CPAMD8: variants seen among roughly 807,000 people sequenced by gnomAD.
CPAMD8 encodes the protein C3 and PZP like alpha-2-macroglobulin domain containing 8.
A neutral mutation model predicts 224.7 loss-of-function variants in CPAMD8; 146 were observed. The observed-to-expected ratio is 0.65, with a 90% CI of 0.57 to 0.75. The LOEUF is 0.75. Among genes scored for constraint, CPAMD8 ranks in the 30% least tolerant of loss-of-function variants. The pLI, the probability that CPAMD8 is intolerant of heterozygous loss-of-function variation, is 0.00. For missense variants in CPAMD8, 2,301 were observed against 2,537.5 expected (o/e 0.91, Z 2.00); for synonymous variants, 966 against 1,044.6 (o/e 0.92, Z 1.45).
At chr19:17,016,041 T>C (rs2056803186) in intron 3 of CPAMD8, among the ~76,000 whole-genome samples, 1 of 152,212 alleles carries the variant, frequency 6.6e-6, no homozygotes, top group Non-Finnish European at 1.5e-5. Flanking sequence ...TCTCCTGGAC[T>C]CAAGCAATCC....
At position 16,976,084 on chromosome 19, in the gene CPAMD8, G is replaced by A; in HGVS notation, c.1826C>T (p.Ala609Val). 2 of 1,612,810 alleles carry A rather than the reference G, an allele frequency of 1.2e-6. No individual in the cohort carries two copies. The highest frequency in any genetic ancestry group is 1.7e-6 in the Non-Finnish European group (2 of 1,179,210). ...GGCGACGCACACACAGCTGCCCCTT[G>A]CAGCCCTGATCCGCAGGTCGACAAC... ...GEVVDLRIRA[A>V]RGSCVCVAAV... Residue 609 changes from alanine to valine, a missense_variant, in exon 16 of 42, where the codon GCA (alanine) becomes GTA (valine). Ala to Val is a moderately conservative substitution (Grantham distance 64). Around this residue, in one of 4 missense-constraint regions of CPAMD8, gnomAD observed 1,709 missense variants for 1,753.2 expected, o/e 0.97. Coordinates refer to ENST00000443236, the MANE Select transcript of CPAMD8 (RefSeq NM_015692.5).
intron 3 of CPAMD8, among the ~76,000 whole-genome samples, chr19:17,018,704 T>C (rs1348042587): frequency 7.1e-6 from 1 of 140,836 alleles, no homozygotes; most frequent in African/African-American, 2.9e-5. Flanking sequence ...TAAAACCCCA[T>C]CTCTACTAAA....
chr19:16,980,890 C>T (rs970248988), intron 13 of CPAMD8, among the ~76,000 whole-genome samples: 4 of 152,058 alleles, frequency 2.6e-5, no homozygotes, highest in Non-Finnish European at 4.4e-5. Context: ...GGCTGGCATG[C>T]GATGGTGAGA....
At chr19:16,965,057 G>A (rs1299235803) in intron 18 of CPAMD8, among the ~76,000 whole-genome samples, 1 of 152,046 alleles carries the variant, frequency 6.6e-6, no homozygotes, top group African/African-American at 2.4e-5. Flanking sequence ...TGAGGAGATC[G>A]AGACCATCCT....
intron 7 of CPAMD8, among the ~76,000 whole-genome samples, chr19:17,005,344 A>G (rs1899166072): frequency 6.6e-6 from 1 of 152,106 alleles, no homozygotes; most frequent in African/African-American, 2.4e-5. Flanking sequence ...GTCCCCAGAC[A>G]TTGCCATGTC....
Position 16,958,571 on chromosome 19 carries a change from G to A in CPAMD8, c.2214-656C>T, listed in dbSNP as rs147825586. Reference sequence around the variant, plus strand: ...GGTCTTTGCTATTGTAAATAGTGCTGCAGTGAACATTTGTGTGCATGGGTC... The same window carrying A: ...GGTCTTTGCTATTGTAAATAGTGCTACAGTGAACATTTGTGTGCATGGGTC... On this transcript the variant is annotated intron_variant, in intron 18 of 41. Coordinates refer to ENST00000443236, the MANE Select transcript of CPAMD8 (RefSeq NM_015692.5). Among the ~76,000 whole-genome samples, 1,242 of 152,236 alleles carry A rather than the reference G, an allele frequency of 8.2e-3. 22 individuals are homozygous for A. The highest frequency in any genetic ancestry group is 0.028 in the African/African-American group (1,175 of 41,522).
intron 23 of CPAMD8, among the ~76,000 whole-genome samples, chr19:16,931,368 C>T (rs2053541638): frequency 6.6e-6 from 1 of 152,200 alleles, no homozygotes; most frequent in Non-Finnish European, 1.5e-5. Flanking sequence ...GTCAGGCTCA[C>T]CCAACCTAAT....
At chr19:16,931,986 A>G (rs1414441443) in intron 23 of CPAMD8, among the ~76,000 whole-genome samples, 2 of 152,220 alleles carry the variant, frequency 1.3e-5, no homozygotes, top group South Asian at 4.1e-4. Flanking sequence ...CGACTGTTAC[A>G]CCAAACACCA....
At chr19:16,942,950 T>C (rs796351828) in intron 22 of CPAMD8, among the ~76,000 whole-genome samples, 173 of 152,268 alleles carry the variant, frequency 1.1e-3, no homozygotes, top group African/African-American at 3.9e-3. Flanking sequence ...GGGCATTTCA[T>C]ATAAATTGAA....
At chr19:16,953,996 C>T (rs2054381926) in intron 19 of CPAMD8, among the ~76,000 whole-genome samples, 1 of 151,714 alleles carries the variant, frequency 6.6e-6, no homozygotes, top group Non-Finnish European at 1.5e-5. Flanking sequence ...CATGGTGGCT[C>T]ACACCTATAA....
intron 18 of CPAMD8, 119 bp downstream of exon 18, chr19:16,970,772 T>G: frequency 1.1e-6 from 1 of 919,242 alleles, no homozygotes; most frequent in Non-Finnish European, 1.6e-6. Flanking sequence ...TAAATTTCAG[T>G]TGTTTATAAG....
intron 13 of CPAMD8, among the ~76,000 whole-genome samples, chr19:16,987,513 G>A (rs13346129): frequency 0.27 from 40,268 of 151,426 alleles, 5,709 homozygotes; most frequent in Non-Finnish European, 0.31. Flanking sequence ...GCCTGCCAGC[G>A]TAAGAAAATC....
rs2144656989 is a variant in CPAMD8 at position 16,893,266 on chromosome 19, G to A, written c.5500C>T (p.His1834Tyr). The A allele has an allele frequency of 6.4e-7, 1 of 1,566,856 alleles. No individual in the cohort carries two copies. Residue 1834 changes from histidine to tyrosine, a missense_variant, in exon 42 of 42, where the codon CAC (histidine) becomes TAC (tyrosine). His to Tyr is a moderately conservative substitution (Grantham distance 83). Around this residue, in one of 4 missense-constraint regions of CPAMD8, gnomAD observed 1,709 missense variants for 1,753.2 expected, o/e 0.97. Coordinates refer to ENST00000443236, the MANE Select transcript of CPAMD8 (RefSeq NM_015692.5). ...ESSTQSASPFHRWGQTPAPQR... is the reference protein window; with the variant it reads ...ESSTQSASPFYRWGQTPAPQR... ...GGGGCCGGAGTCTGGCCCCATCTGT[G>A]GAACGGGCTGGCGCTCTGGGTGCTG... is the stretch of plus-strand genomic sequence containing the variant.
At chr19:17,001,363 G>A (rs1023471446) in intron 9 of CPAMD8, among the ~76,000 whole-genome samples, 9 of 151,170 alleles carry the variant, frequency 6.0e-5, no homozygotes, top group Non-Finnish European at 1.0e-4. Flanking sequence ...AACCCCTCTC[G>A]GGTCAGCACA....
At chr19:16,975,931 T>C (rs1389140822) in intron 16 of CPAMD8, 71 bp downstream of exon 16, 6 of 1,370,788 alleles carry the variant, frequency 4.4e-6, no homozygotes, top group Admixed American at 2.8e-5. Flanking sequence ...GAATGAGAGA[T>C]GGGAAAGGGA....
chr19:16,944,812 A>T (rs2054016038), intron 22 of CPAMD8, among the ~76,000 whole-genome samples: 1 of 152,170 alleles, frequency 6.6e-6, no homozygotes, highest in Non-Finnish European at 1.5e-5. Flanking sequence ...GGCCAGCAGG[A>T]TCCCAGCAGG....
rs759609823 is a variant in CPAMD8, at chr19:17,026,500, AC to A, written c.92+50del. On this transcript the variant is annotated intron_variant, in intron 1 of 41. Coordinates refer to ENST00000443236, the MANE Select transcript of CPAMD8 (RefSeq NM_015692.5). ...GCAACACTCTGAGCCAGTACCCGCG[AC>A]CCCCACCCCAGAAGGCGACCGACCT... is the stretch of plus-strand genomic sequence containing the variant. 9.7e-6 allele frequency: 14 copies of A among 1,442,136 alleles called. No individual in the cohort carries two copies. The Middle Eastern group carries it at 7.1e-4, about 73-fold the overall frequency. The allele number at this position is 1,442,136 out of a possible 1,614,324, so 89.3% of individuals were successfully genotyped here. A position where few individuals can be genotyped will look rare whatever the true frequency, so the allele number is the denominator to read the frequency against.
At chr19:17,020,379 A>G (rs2056923613) in intron 2 of CPAMD8, 26 bp from the exon 3 acceptor site, 1 of 1,545,116 alleles carries the variant, frequency 6.5e-7, no homozygotes, top group Non-Finnish European at 8.9e-7. Context: ...AAATGAAAAA[A>G]GTTAAATCAA....
chr19:17,020,423 C>T (rs2056924793), intron 2 of CPAMD8, 70 bp from the exon 3 acceptor site: 1 of 1,124,260 alleles, frequency 8.9e-7, no homozygotes, highest in Non-Finnish European at 1.3e-6. Flanking sequence ...GAGCTGCAGC[C>T]TCACAAACCA....
Sources: allele counts gnomAD v4.1 joint callset (sites outside exome capture counted in the v4.1 genomes callset), GRCh38; gene constraint gnomAD v4.1.1; regional missense constraint gnomAD v4.1.1; transcripts MANE v1.5; gene names NCBI Gene and HGNC (gene_info 2026-07-23, HGNC 2026-07-21).